GNG7: variants seen among roughly 807,000 people sequenced by gnomAD.
The protein encoded by GNG7 is G protein subunit gamma 7.
Under a neutral mutation model 4.0 loss-of-function variants are expected in GNG7, and 1 was observed. The observed-to-expected ratio is 0.25, with a 90% CI of 0.09 to 1.18. The LOEUF is 1.18. Ranked by LOEUF, GNG7 falls within the 50% of genes most tolerant of loss-of-function variation. The pLI is 0.50. For synonymous variants in GNG7, 34 were observed against 36.9 expected, an observed-to-expected ratio of 0.92 and a Z score of 0.29; for missense variants, 86 against 91.9, an observed-to-expected ratio of 0.94 and a Z score of 0.26.
At chr19:2,578,037 G>A (rs541596381) in intron 2 of GNG7, among the ~76,000 whole-genome samples, 14 of 151,940 alleles carry the variant, frequency 9.2e-5, no homozygotes, top group African/African-American at 1.7e-4. Context: ...CGGAGGTCTC[G>A]TTGTTGCCCA....
At chr19:2,548,466 G>GC (rs1178632354) in intron 3 of GNG7, among the ~76,000 whole-genome samples, 1 of 131,802 alleles carries the variant, frequency 7.6e-6, no homozygotes, top group Non-Finnish European at 1.6e-5. Flanking sequence ...GGGCGACAGA[G>GC]CGAGGCTCTG....
Position 2,684,247 on chromosome 19 carries a change from C to G in GNG7, c.-135+18399G>C, listed in dbSNP as rs537350567. Reference sequence around the variant, plus strand: ...CTCCTCCTGGGTTCAAGCAATTCTCCTGCCTCAGCCTCGCGAGTAGCTGGG... The same window carrying G: ...CTCCTCCTGGGTTCAAGCAATTCTCGTGCCTCAGCCTCGCGAGTAGCTGGG... On this transcript the variant is annotated intron_variant, in intron 1 of 4. Transcript: ENST00000382159. Among the ~76,000 whole-genome samples the G allele has an allele frequency of 1.2e-4, 18 of 151,870 alleles. No homozygotes were observed. The East Asian group carries it at 3.5e-3, about 30-fold the overall frequency.
intron 1 of GNG7, among the ~76,000 whole-genome samples, chr19:2,685,841 G>T (rs144809059): frequency 1.4e-4 from 22 of 152,224 alleles, no homozygotes; most frequent in African/African-American, 4.8e-4. Context: ...CCCTGCCGTT[G>T]TTTGCCCAGT....
intron 3 of GNG7, among the ~76,000 whole-genome samples, chr19:2,553,651 A>G (rs1000542300): frequency 3.6e-5 from 4 of 110,558 alleles, no homozygotes; most frequent in East Asian, 2.8e-4. Context: ...ATGTTATATT[A>G]CATACATGCA....
intron 2 of GNG7, among the ~76,000 whole-genome samples, chr19:2,566,588 T>G (rs900710819): frequency 2.6e-5 from 4 of 152,118 alleles, no homozygotes; most frequent in Non-Finnish European, 5.9e-5. Flanking sequence ...GGGGGACACC[T>G]CCTTCCCCTC....
intron 2 of GNG7, among the ~76,000 whole-genome samples, chr19:2,619,962 G>T (rs996404016): frequency 7.2e-6 from 1 of 138,894 alleles, no homozygotes; most frequent in African/African-American, 2.5e-5. Context: ...GGGAGGACGA[G>T]GGGGGGGCGC....
chr19:2,575,718 C>T (rs1464137927), intron 2 of GNG7, among the ~76,000 whole-genome samples: 14 of 103,446 alleles, frequency 1.4e-4, no homozygotes, highest in African/African-American at 3.4e-4. Context: ...GGCAGGCACA[C>T]GCAGACACGC....
At position 2,607,562 on chromosome 19, in the gene GNG7, T is replaced by TA. The variant is rs57077280; in HGVS notation, c.-78+38661dup. 8.6e-3 allele frequency among the ~76,000 whole-genome samples: 951 copies of TA among 110,538 alleles called. 4 individuals carry two copies. Among genetic ancestry groups the TA allele is most frequent in the Middle Eastern group, 0.025 (5 of 204 alleles). The allele number at this position is 110,538 out of a possible 152,430, so 72.5% of individuals were successfully genotyped here. A position where few individuals can be genotyped will look rare whatever the true frequency, so the allele number is the denominator to read the frequency against. ...AAAAAAAAAAGAAAGACTAAAATGG[T>TA]AAAAAAAAAAAAAAAAAGAAAGAAA... On this transcript the variant is annotated intron_variant, in intron 2 of 4. Coordinates refer to ENST00000382159, the MANE Select transcript of GNG7 (RefSeq NM_052847.3).
At chr19:2,573,365 G>A (rs1049313282) in intron 2 of GNG7, among the ~76,000 whole-genome samples, 21 of 151,982 alleles carry the variant, frequency 1.4e-4, no homozygotes, top group African/African-American at 4.8e-4. Flanking sequence ...CCACAGTTCC[G>A]AGCCCACTCC....
chr19:2,542,107 CTTTTT>C (rs1175526574), intron 3 of GNG7, among the ~76,000 whole-genome samples: 3 of 64,568 alleles, frequency 4.6e-5, no homozygotes, highest in East Asian at 5.4e-4. Context: ...GCTGTGTGTT[CTTTTT>C]TTTTTTTTTT....
chr19:2,622,906 T>G (rs1981921248), intron 2 of GNG7, among the ~76,000 whole-genome samples: 1 of 152,252 alleles, frequency 6.6e-6, no homozygotes, highest in Non-Finnish European at 1.5e-5. Context: ...GTGTATCATT[T>G]ATACCACTAG....
intron 1 of GNG7, among the ~76,000 whole-genome samples, chr19:2,666,297 C>T (rs1983308907): frequency 6.6e-6 from 1 of 152,100 alleles, no homozygotes. Flanking sequence ...CTCAGCCTCC[C>T]GAGTAGCTGG....
chr19:2,592,814 AAG>A (rs144538545), intron 2 of GNG7, among the ~76,000 whole-genome samples: 18 of 109,582 alleles, frequency 1.6e-4, no homozygotes, highest in East Asian at 6.2e-4. Flanking sequence ...GAAAGAAAGA[AAG>A]AGAGAGAGAG....
chr19:2,674,444 G>A (rs933078898), intron 1 of GNG7, among the ~76,000 whole-genome samples: 3 of 151,092 alleles, frequency 2.0e-5, no homozygotes, highest in African/African-American at 4.9e-5. Flanking sequence ...TTTTTGTTTT[G>A]TTTTTTTTTG....
chr19:2,543,510 C>A (rs760961108), intron 3 of GNG7, among the ~76,000 whole-genome samples: 19 of 152,196 alleles, frequency 1.2e-4, no homozygotes, highest in Admixed American at 3.9e-4. Context: ...CGGGCATGAA[C>A]CCCCGCTCCC....
At chr19:2,520,804 C>G in intron 3 of GNG7, 79 bp from the exon 4 acceptor site, 1 of 654,140 alleles carries the variant, frequency 1.5e-6, no homozygotes, top group Non-Finnish European at 2.7e-6. Context: ...GGCCTTGGCT[C>G]AACCTTCCCG....
chr19:2,577,800 A>AAAAT (rs1013495609), intron 2 of GNG7, among the ~76,000 whole-genome samples: 42 of 152,008 alleles, frequency 2.8e-4, no homozygotes, highest in African/African-American at 9.9e-4. Flanking sequence ...ATCTAAAAAG[A>AAAAT]AAATGTAGAA....
At chr19:2,636,076 A>T (rs1982300412) in intron 2 of GNG7, among the ~76,000 whole-genome samples, 1 of 152,126 alleles carries the variant, frequency 6.6e-6, no homozygotes, top group South Asian at 2.1e-4. Flanking sequence ...AGGGGGAGAG[A>T]GACCCTGTGT....
chr19:2,695,495 G>A (rs375161535), intron 1 of GNG7, among the ~76,000 whole-genome samples: 2 of 152,166 alleles, frequency 1.3e-5, no homozygotes, highest in African/African-American at 4.8e-5. Context: ...GGCACACAAC[G>A]GGCCTTTGTC....
Sources: allele counts gnomAD v4.1 joint callset (sites outside exome capture counted in the v4.1 genomes callset), GRCh38; gene constraint gnomAD v4.1.1; transcripts MANE v1.5; gene names NCBI Gene and HGNC (gene_info 2026-07-23, HGNC 2026-07-21).